Variants in TBX20 observed in about 807,000 individuals in gnomAD.
TBX20 encodes T-box transcription factor TBX20.
TBX20 carries 8 observed loss-of-function variants against 42.9 expected under a neutral mutation model. The ratio of observed to expected loss-of-function variants is 0.19; its 90% CI spans 0.11 to 0.34. The LOEUF (loss-of-function observed/expected upper bound fraction) is 0.34, where lower values mean the gene tolerates loss of function less well. Ranked by LOEUF, TBX20 falls within the 10% of genes least tolerant of loss-of-function variation. TBX20 has a pLI of 1.00. For missense variants in TBX20, 411 were observed against 566.0 expected (o/e 0.73, Z 2.78); for synonymous variants, 198 against 222.8 (o/e 0.89, Z 0.99).
chr7:35,203,602 A>G (rs1789344079), intron 7 of TBX20, among the ~76,000 whole-genome samples: 1 of 152,248 alleles, frequency 6.6e-6, no homozygotes, highest in Non-Finnish European at 1.5e-5. Context: ...AATATGTGTG[A>G]ATTGACTGTT....
At chr7:35,243,708 A>G (rs567579838) in intron 4 of TBX20, among the ~76,000 whole-genome samples, 1 of 152,214 alleles carries the variant, frequency 6.6e-6, no homozygotes, top group African/African-American at 2.4e-5. Context: ...AAAAAAAACA[A>G]AAGAAAATTA....
chr7:35,246,122 G>A (rs1790179282), intron 3 of TBX20, among the ~76,000 whole-genome samples: 1 of 152,114 alleles, frequency 6.6e-6, no homozygotes, highest in Non-Finnish European at 1.5e-5. Context: ...CTGTTCCATG[G>A]TTTGTCACAC....
chr7:35,211,344 A>G (rs1272867136), intron 6 of TBX20, among the ~76,000 whole-genome samples: 1 of 152,196 alleles, frequency 6.6e-6, no homozygotes, highest in African/African-American at 2.4e-5. Flanking sequence ...CTTTGTTTAC[A>G]TCCAGATTGA....
chr7:35,218,006 C>A (rs866477738), intron 6 of TBX20, among the ~76,000 whole-genome samples: 2 of 152,242 alleles, frequency 1.3e-5, no homozygotes, highest in African/African-American at 2.4e-5. Flanking sequence ...AGGCGTGAGC[C>A]ATTGCGCCCG....
chr7:35,252,188 G>A (rs1166973543), intron 1 of TBX20, among the ~76,000 whole-genome samples: 1 of 152,136 alleles, frequency 6.6e-6, no homozygotes. Context: ...TGTTTACAAA[G>A]AATTCAGGGG....
Position 35,202,583 on chromosome 7 carries a change from C to G in TBX20, c.1191G>C (p.Leu397=). Residue 397 remains leucine (L), a synonymous_variant, in exon 8 of 8, where the codon CTG becomes CTC. Coordinates refer to ENST00000408931, the MANE Select transcript of TBX20 (RefSeq NM_001077653.2). ...TGGAGCTGGCAATGGCCGATGGTGTCAGAGGCATTCCCAGTCGGCTATATG... is the reference window on the plus strand; with the variant it reads ...TGGAGCTGGCAATGGCCGATGGTGTGAGAGGCATTCCCAGTCGGCTATATG... The part of the protein sequence containing the change: ...LPPYSRLGMP[L]TPSAIASSMQ... 1.2e-6 allele frequency: 2 copies of G among 1,614,016 alleles called. No individual in the cohort carries two copies. Among genetic ancestry groups the G allele is most frequent in the South Asian group, 2.2e-5 (2 of 91,074 alleles).
intron 3 of TBX20, among the ~76,000 whole-genome samples, chr7:35,247,472 G>T (rs769571549): frequency 6.6e-6 from 1 of 151,780 alleles, no homozygotes; most frequent in African/African-American, 2.4e-5. Context: ...GGTCTCTTCC[G>T]AGAATGGAAA....
At chr7:35,206,617 C>T (rs1160537966) in intron 6 of TBX20, among the ~76,000 whole-genome samples, 2 of 152,192 alleles carry the variant, frequency 1.3e-5, no homozygotes, top group African/African-American at 4.8e-5. Context: ...ACTGACACCA[C>T]TGCCACAAGC....
chr7:35,248,584 T>A (rs1304417885), intron 3 of TBX20, 93 bp downstream of exon 3: 1 of 1,445,724 alleles, frequency 6.9e-7, no homozygotes, highest in Non-Finnish European at 9.7e-7. Context: ...GCCCGCTGCT[T>A]TAAAAATACA....
chr7:35,211,957 G>A (rs1789504242), intron 6 of TBX20, among the ~76,000 whole-genome samples: 1 of 151,956 alleles, frequency 6.6e-6, no homozygotes, highest in South Asian at 2.1e-4. Context: ...TTTGGATTGT[G>A]TTTACAATTG....
chr7:35,253,376 G>T, intron 1 of TBX20, 118 bp downstream of exon 1: 2 of 1,215,414 alleles, frequency 1.6e-6, no homozygotes, highest in Non-Finnish European at 2.3e-6. Context: ...TCTCCCACCC[G>T]CGATGTATGG....
At chr7:35,215,198 G>C (rs1789563448) in intron 6 of TBX20, among the ~76,000 whole-genome samples, 2 of 152,172 alleles carry the variant, frequency 1.3e-5, no homozygotes, top group South Asian at 4.1e-4. Flanking sequence ...GGGGAAAAGA[G>C]GGATTTTATT....
Position 35,240,918 on chromosome 7 carries a change from T to C in TBX20, c.774A>G (p.Glu258=). ...SEEFRTFIFP[E]TVFTAVTAYQ... ...AGGCAGTGACTGCCGTAAAAACTGT[T>C]TCTGGAAAGATGAAAGTTCTAAATT... is the stretch of plus-strand genomic sequence containing the variant. The change falls in exon 5 of 8, where the codon GAA becomes GAG. Residue 258 remains glutamate (E), a synonymous_variant. Coordinates refer to ENST00000408931, the MANE Select transcript of TBX20 (RefSeq NM_001077653.2). 1.2e-6 allele frequency: 2 copies of C among 1,613,932 alleles called. No homozygotes were observed. The highest frequency in any genetic ancestry group is 1.7e-6 in the Non-Finnish European group (2 of 1,179,822).
chr7:35,222,862 G>A (rs1363790841), intron 6 of TBX20, among the ~76,000 whole-genome samples: 1 of 152,156 alleles, frequency 6.6e-6, no homozygotes, highest in Non-Finnish European at 1.5e-5. Flanking sequence ...AGAAGGTGAG[G>A]AATTGGAGGG....
At chr7:35,211,291 A>C (rs1418547889) in intron 6 of TBX20, among the ~76,000 whole-genome samples, 1 of 152,132 alleles carries the variant, frequency 6.6e-6, no homozygotes, top group African/African-American at 2.4e-5. Context: ...ATAAAAAATT[A>C]ATCTACTTAT....
chr7:35,243,911 T>C lies in TBX20; in HGVS notation c.654+1038A>G, dbSNP rs547480283. On this transcript the variant is annotated intron_variant, in intron 4 of 7. Coordinates refer to ENST00000408931, the MANE Select transcript of TBX20 (RefSeq NM_001077653.2). ...GGATAGTGCTAGCGCCTAAAGTGATTTATTTAGTTCCAGGTTTAATCCAAC... is the reference window on the plus strand; with the variant it reads ...GGATAGTGCTAGCGCCTAAAGTGATCTATTTAGTTCCAGGTTTAATCCAAC... Among the ~76,000 whole-genome samples, 3 of 152,316 alleles carry C rather than the reference T, an allele frequency of 2.0e-5. No individual in the cohort carries two copies. In the East Asian group the frequency reaches 5.8e-4, roughly 29 times the overall value.
chr7:35,202,630 G>T lies in TBX20; in HGVS notation c.1144C>A (p.Pro382Thr), dbSNP rs1321314179. ...TASIATPIPH[P>T]IQGSLPPYSR... ...TATGGTGGCAGAGAACCCTGGATGG[G>T]GTGAGGAATGGGTGTTGCTATGGAT... The change falls in exon 8 of 8, where the codon CCC becomes ACC. Residue 382 changes from proline (P) to threonine (T), a missense_variant. Around this residue, in one of 5 missense-constraint regions of TBX20, gnomAD observed 162 missense variants for 205.4 expected, o/e 0.79. Coordinates refer to ENST00000408931, the MANE Select transcript of TBX20 (RefSeq NM_001077653.2). 5 of 1,613,936 alleles carry T rather than the reference G, an allele frequency of 3.1e-6. No homozygotes were observed. The highest frequency in any genetic ancestry group is 4.2e-6 in the Non-Finnish European group (5 of 1,179,864).
At chr7:35,251,059 C>T (rs1405450327) in intron 1 of TBX20, among the ~76,000 whole-genome samples, 7 of 152,190 alleles carry the variant, frequency 4.6e-5, no homozygotes, top group African/African-American at 7.2e-5. Flanking sequence ...CTGCCATCCA[C>T]CACCAGGTTG....
At chr7:35,239,130 T>C (rs1397707061) in intron 5 of TBX20, among the ~76,000 whole-genome samples, 3 of 152,082 alleles carry the variant, frequency 2.0e-5, no homozygotes, top group Non-Finnish European at 2.9e-5. Flanking sequence ...CAAAGTTGTA[T>C]AGAAATCCTA....
Sources: gnomAD v4.1 joint callset for allele counts (sites outside exome capture counted in the v4.1 genomes callset) on GRCh38, gnomAD v4.1.1 for gene constraint, gnomAD v4.1.1 regional missense constraint, MANE v1.5 for transcripts, NCBI Gene and HGNC (gene_info 2026-07-23, HGNC 2026-07-21) for gene names.